Variants in SEPTIN9 observed in about 807,000 individuals in gnomAD.
SEPTIN9 encodes septin-9.
In SEPTIN9, 13 loss-of-function variants were observed where a neutral mutation model predicts 56.6. The observed-to-expected ratio is 0.23, with a 90% CI of 0.15 to 0.37. SEPTIN9 has a LOEUF of 0.37. Ranked by LOEUF, SEPTIN9 falls within the 10% of genes least tolerant of loss-of-function variation. SEPTIN9 has a pLI of 1.00. For missense variants in SEPTIN9, 650 were observed against 823.1 expected (o/e 0.79, Z 2.57); for synonymous variants, 332 against 334.1 (o/e 0.99, Z 0.07).
chr17:77,454,825 G>T (rs2038126044), intron 3 of SEPTIN9, among the ~76,000 whole-genome samples: 1 of 152,252 alleles, frequency 6.6e-6, no homozygotes, highest in Admixed American at 6.5e-5. Context: ...CGCCTGAGCT[G>T]CTGTGGCCTG....
intron 1 of SEPTIN9, among the ~76,000 whole-genome samples, chr17:77,293,744 C>G (rs185010878): frequency 4.5e-4 from 69 of 152,294 alleles, no homozygotes; most frequent in Non-Finnish European, 8.2e-4. Flanking sequence ...TTCTATTTCT[C>G]CCACATTTTT....
intron 2 of SEPTIN9, among the ~76,000 whole-genome samples, chr17:77,316,406 C>G (rs964414096): frequency 1.3e-5 from 2 of 152,262 alleles, no homozygotes; most frequent in African/African-American, 4.8e-5. Flanking sequence ...TTTGGATTTT[C>G]AGGCACGGAG....
rs1307381767 is a variant in SEPTIN9, at chr17:77,326,749, C to G, written c.76+19552C>G. Among the ~76,000 whole-genome samples, 1 of 152,096 alleles carries G rather than the reference C, an allele frequency of 6.6e-6. No homozygotes were observed. Among genetic ancestry groups the G allele is most frequent in the Non-Finnish European group, 1.5e-5 (1 of 68,020 alleles). ...CTTCAGGATGGTTCCCAGGGAAGACCAGGTAGAATCACAAGGTTCAGCACC... is the reference window on the plus strand; with the variant it reads ...CTTCAGGATGGTTCCCAGGGAAGACGAGGTAGAATCACAAGGTTCAGCACC... On this transcript the variant is annotated intron_variant, in intron 2 of 11. Transcript: ENST00000427177. The surrounding 1 kb of genome is among the most constrained non-coding windows in gnomAD (Gnocchi z 5.1).
rs1568073962 is a variant in SEPTIN9, at chr17:77,445,095, G to A, written c.722-37049G>A. 2.2e-6 allele frequency: 1 copy of A among 450,850 alleles called. No homozygotes were observed. The allele number at this position is 450,850 out of a possible 1,614,324, so 27.9% of individuals were successfully genotyped here. ...CCCCTCTGTCCCACCATGCCTGCCT[G>A]GGGACGGCCTTCACTCGGGCTACTC... On this transcript the variant is annotated intron_variant, in intron 3 of 11. Transcript: ENST00000427177. This position sits in a 1 kb window ranked among gnomAD's most constrained non-coding sequence, Gnocchi z 4.7.
chr17:77,300,711 C>G (rs1012001018), intron 1 of SEPTIN9, among the ~76,000 whole-genome samples: 1 of 145,504 alleles, frequency 6.9e-6, no homozygotes, highest in East Asian at 2.1e-4. Flanking sequence ...TCAAACCGCC[C>G]CCACCCCAGG....
At chr17:77,467,512 C>T (rs1304015640) in intron 3 of SEPTIN9, among the ~76,000 whole-genome samples, 1 of 38,700 alleles carries the variant, frequency 2.6e-5, no homozygotes, top group East Asian at 7.5e-4. Flanking sequence ...GCCCCAAGTC[C>T]CCACTCCACT....
intron 3 of SEPTIN9, among the ~76,000 whole-genome samples, chr17:77,416,927 T>C (rs1002340636): frequency 1.3e-5 from 2 of 152,240 alleles, no homozygotes; most frequent in African/African-American, 4.8e-5. Flanking sequence ...GCTCCAGGGC[T>C]GTCTGGCCAT....
At chr17:77,466,386 CTTCCCGG>C in intron 3 of SEPTIN9, 1 of 985,472 alleles carries the variant, frequency 1.0e-6, no homozygotes, top group Non-Finnish European at 1.2e-6. Flanking sequence ...AATGTAGCTC[CTTCCCGG>C]AGTTCGGGCT....
Position 77,435,489 on chromosome 17 carries a change from C to G in SEPTIN9, c.721+32786C>G, listed in dbSNP as rs569227824. Among the ~76,000 whole-genome samples the G allele has an allele frequency of 6.6e-6, 1 of 152,202 alleles. No homozygotes were observed. Among genetic ancestry groups the G allele is most frequent in the Non-Finnish European group, 1.5e-5 (1 of 68,024 alleles). On this transcript the variant is annotated intron_variant, in intron 3 of 11. Coordinates refer to ENST00000427177, the MANE Select transcript of SEPTIN9 (RefSeq NM_001113491.2). This position sits in a 1 kb window ranked among gnomAD's most constrained non-coding sequence, Gnocchi z 4.5. ...AGGGGGAGAAGTAGAGCAACCATGC[C>G]GGGCGGGTCGTCGTGCCCCAGTGCC...
At chr17:77,382,024 T>C (rs768478494) in intron 2 of SEPTIN9, among the ~76,000 whole-genome samples, 3 of 152,008 alleles carry the variant, frequency 2.0e-5, no homozygotes, top group Non-Finnish European at 2.9e-5. Context: ...TTTTTTTCTT[T>C]TTCTTTCTTT....
intron 3 of SEPTIN9, among the ~76,000 whole-genome samples, chr17:77,440,236 C>A (rs1197633370): frequency 6.6e-6 from 1 of 152,122 alleles, no homozygotes; most frequent in East Asian, 1.9e-4. Flanking sequence ...CTCACTGCAA[C>A]CTCCACCTCT....
chr17:77,339,878 T>C (rs550561192), intron 2 of SEPTIN9, among the ~76,000 whole-genome samples: 15 of 151,958 alleles, frequency 9.9e-5, no homozygotes, highest in South Asian at 2.1e-4. Flanking sequence ...TAGACTGGAG[T>C]GCAGCAGCGC....
intron 2 of SEPTIN9, among the ~76,000 whole-genome samples, chr17:77,351,161 G>C (rs1233831177): frequency 6.6e-6 from 1 of 151,966 alleles, no homozygotes; most frequent in Non-Finnish European, 1.5e-5. Context: ...GAATTTCCGT[G>C]AGCCTCTCCA....
intron 2 of SEPTIN9, among the ~76,000 whole-genome samples, chr17:77,309,083 C>T (rs1437772870): frequency 1.3e-5 from 2 of 152,234 alleles, no homozygotes; most frequent in Admixed American, 1.3e-4. Context: ...ATCTGCCTCT[C>T]CATCTCCTTC....
chr17:77,466,588 CGGG>C, intron 3 of SEPTIN9: 1 of 985,542 alleles, frequency 1.0e-6, no homozygotes, highest in Non-Finnish European at 1.2e-6. Flanking sequence ...CCTGGGTCCT[CGGG>C]AGGAGGAGAA....
chr17:77,422,203 C>T (rs1204707263), intron 3 of SEPTIN9, among the ~76,000 whole-genome samples: 2 of 152,152 alleles, frequency 1.3e-5, no homozygotes, highest in Non-Finnish European at 2.9e-5. Flanking sequence ...GTGCAGGACC[C>T]GGGCCTCAGC....
rs1478055643 is a variant in SEPTIN9 at position 77,318,100 on chromosome 17, T to C, written c.76+10903T>C. ...ATAAATATAATACACTTGAATCATC[T>C]CAAAACCATCTCCCCACTCCCTGGT... On this transcript the variant is annotated intron_variant, in intron 2 of 11. Transcript: ENST00000427177. This position sits in a 1 kb window ranked among gnomAD's most constrained non-coding sequence, Gnocchi z 4.9. 6.6e-6 allele frequency among the ~76,000 whole-genome samples: 1 copy of C among 151,914 alleles called. No individual in the cohort carries two copies. The highest frequency in any genetic ancestry group is 1.5e-5 in the Non-Finnish European group (1 of 67,972).
chr17:77,308,005 T>C (rs1306162221), intron 2 of SEPTIN9, among the ~76,000 whole-genome samples: 2 of 152,212 alleles, frequency 1.3e-5, no homozygotes, highest in Non-Finnish European at 2.9e-5. Flanking sequence ...CCTACGTTGT[T>C]CTTGGCTGTC....
In SEPTIN9 at chr17:77,487,163, C is replaced by T. The variant is rs1034566993; in HGVS notation, c.914-261C>T. On this transcript the variant is annotated intron_variant, in intron 4 of 11. Transcript: ENST00000427177. The surrounding 1 kb of genome is among the most constrained non-coding windows in gnomAD (Gnocchi z 4.3). ...CAAGAGATGCCGACTCTCCCAGGCC[C>T]GGCTCACCTCTCAGGAGAGGACTGT... 1.3e-5 allele frequency among the ~76,000 whole-genome samples: 2 copies of T among 152,236 alleles called. No homozygotes were observed. The highest frequency in any genetic ancestry group is 1.9e-4 in the East Asian group (1 of 5,202).
Sources: gnomAD v4.1 joint callset for allele counts (sites outside exome capture counted in the v4.1 genomes callset) on GRCh38, gnomAD v4.1.1 for gene constraint, Gnocchi (gnomAD v3.1) non-coding constraint, MANE v1.5 for transcripts, NCBI Gene and HGNC (gene_info 2026-07-23, HGNC 2026-07-21) for gene names.